TTC23L: variants seen among roughly 807,000 people sequenced by gnomAD.
TTC23L encodes the protein tetratricopeptide repeat domain 23 like.
In TTC23L, 42 loss-of-function variants were observed where a neutral mutation model predicts 48.1. That is an observed-to-expected ratio of 0.87 (90% CI 0.68 to 1.13). The LOEUF is 1.13. Ranked by LOEUF, TTC23L falls within the 50% of genes most tolerant of loss-of-function variation. TTC23L has a pLI of 0.00. For synonymous variants in TTC23L, 159 were observed against 157.2 expected, an observed-to-expected ratio of 1.01 and a Z score of -0.09; for missense variants, 391 against 421.0, an observed-to-expected ratio of 0.93 and a Z score of 0.62.
At chr5:34,868,691 G>A (rs1227515535) in intron 7 of TTC23L, 10 of 465,732 alleles carry the variant, frequency 2.1e-5, no homozygotes, top group South Asian at 1.5e-4. Flanking sequence ...GATGAGCACC[G>A]TGCCCTGTGC....
chr5:34,912,017 GA>G, the TTC23L span, among the ~76,000 whole-genome samples: 2 of 152,194 alleles, frequency 1.3e-5, no homozygotes, highest in Non-Finnish European at 2.9e-5. Flanking sequence ...TTGGGAACCA[GA>G]ACAAAATGTA....
the TTC23L span, among the ~76,000 whole-genome samples, chr5:34,910,806 T>TA: frequency 1.3e-5 from 2 of 152,228 alleles, no homozygotes; most frequent in Non-Finnish European, 2.9e-5. Flanking sequence ...TTAGGGGCTT[T>TA]AATATTCTGA....
At chr5:34,872,095 T>G (rs189303529) in intron 8 of TTC23L, among the ~76,000 whole-genome samples, 1 of 148,724 alleles carries the variant, frequency 6.7e-6, no homozygotes. Flanking sequence ...TTGGGCAACA[T>G]AGTGAGACCC....
chr5:34,875,094 A>G (rs953233811), intron 8 of TTC23L, among the ~76,000 whole-genome samples: 1 of 152,234 alleles, frequency 6.6e-6, no homozygotes, highest in African/African-American at 2.4e-5. Context: ...GTGCAAGGAA[A>G]GTTATCAGGG....
At chr5:34,894,166 T>C (rs966894213) in intron 9 of TTC23L, among the ~76,000 whole-genome samples, 1 of 152,148 alleles carries the variant, frequency 6.6e-6, no homozygotes, top group African/African-American at 2.4e-5. Context: ...TTCTAAGAAT[T>C]TGTCTTTTGA....
chr5:34,865,456 A>G (rs926986918), intron 6 of TTC23L, among the ~76,000 whole-genome samples: 2 of 152,080 alleles, frequency 1.3e-5, no homozygotes, highest in African/African-American at 4.8e-5. Context: ...GTGAATGTCT[A>G]CTCCTGTCAC....
intron 7 of TTC23L, 185 bp downstream of exon 7, chr5:34,867,254 C>A: frequency 1.5e-6 from 1 of 649,576 alleles, no homozygotes; most frequent in Non-Finnish European, 2.7e-6. Context: ...GGCCAGAGAA[C>A]ACTGACTCAG....
chr5:34,906,805 C>T, the TTC23L span: 1 of 152,062 alleles, frequency 6.6e-6, no homozygotes, highest in Admixed American at 6.6e-5. Flanking sequence ...TTTGTTCACA[C>T]TAGTAACAAA....
chr5:34,895,864 A>T (rs188355995), intron 9 of TTC23L, among the ~76,000 whole-genome samples: 31 of 152,310 alleles, frequency 2.0e-4, no homozygotes, highest in African/African-American at 7.5e-4. Context: ...ATGTTCCATA[A>T]GCTGGGTTGT....
At chr5:34,916,053 AG>A in the TTC23L span, 1 of 843,928 alleles carries the variant, frequency 1.2e-6, no homozygotes, top group East Asian at 3.1e-5. Flanking sequence ...CTGGGCACGG[AG>A]TTTGCAGCTA....
intron 2 of TTC23L, 28 bp from the exon 3 acceptor site, chr5:34,845,459 T>G: frequency 6.3e-7 from 1 of 1,598,740 alleles, no homozygotes; most frequent in Non-Finnish European, 8.5e-7. Flanking sequence ...GGTTAAATCC[T>G]GAATCCTTGC....
chr5:34,875,927 A>G (rs1268941014), intron 8 of TTC23L, among the ~76,000 whole-genome samples: 1 of 152,232 alleles, frequency 6.6e-6, no homozygotes. Flanking sequence ...AAGAAAATGT[A>G]CAATGTCTGC....
At chr5:34,889,846 T>G (rs1762751055) in intron 9 of TTC23L, among the ~76,000 whole-genome samples, 1 of 152,020 alleles carries the variant, frequency 6.6e-6, no homozygotes, top group Admixed American at 6.6e-5. Flanking sequence ...TTGTTTTTGT[T>G]TTTGTTTTTT....
At chr5:34,845,827 G>A (rs1416800192) in intron 3 of TTC23L, 154 bp downstream of exon 3, 2 of 733,572 alleles carry the variant, frequency 2.7e-6, no homozygotes, top group African/African-American at 3.5e-5. Flanking sequence ...GCCTACTTAG[G>A]TAGCCAGCCC....
intron 9 of TTC23L, among the ~76,000 whole-genome samples, chr5:34,886,359 G>A (rs979233084): frequency 5.8e-4 from 37 of 63,428 alleles, no homozygotes; most frequent in Non-Finnish European, 1.1e-3. Context: ...TTGCCAGGCT[G>A]ATTTAAAAAA....
chr5:34,869,081 T>C (rs1188001316), intron 8 of TTC23L, 68 bp downstream of exon 8: 6 of 1,257,738 alleles, frequency 4.8e-6, no homozygotes, highest in Non-Finnish European at 6.8e-6. Flanking sequence ...GCAAACAGCC[T>C]ATCTAAGATT....
In TTC23L at chr5:34,882,063, G is replaced by C. The variant is rs546532347; in HGVS notation, c.1077+1755G>C. The stretch of plus-strand genomic sequence containing the variant: ...GCCACAGCACCCGGCCGGTTCAGAA[G>C]ATTAACATGAGATCCCAATGCCATG... On this transcript the variant is annotated intron_variant, in intron 9 of 10. Coordinates refer to ENST00000505624, the Ensembl canonical transcript of TTC23L. Among the ~76,000 whole-genome samples, 17 of 152,216 alleles carry C rather than the reference G, an allele frequency of 1.1e-4. 1 individual carries two copies. In the South Asian group the frequency reaches 3.5e-3, roughly 32 times the overall value.
At chr5:34,885,891 G>A (rs1403735377) in intron 9 of TTC23L, among the ~76,000 whole-genome samples, 1 of 152,038 alleles carries the variant, frequency 6.6e-6, no homozygotes, top group African/African-American at 2.4e-5. Flanking sequence ...AAGCAAACGT[G>A]GCAAAATTGT....
chr5:34,923,503 C>T, the TTC23L span: 2 of 404,854 alleles, frequency 4.9e-6, no homozygotes, highest in Non-Finnish European at 9.1e-6. Flanking sequence ...GTCTCAAACT[C>T]CTGACCTCAG....
Sources: gnomAD v4.1 joint callset for allele counts (sites outside exome capture counted in the v4.1 genomes callset) on GRCh38, gnomAD v4.1.1 for gene constraint, MANE v1.5 for transcripts, NCBI Gene and HGNC (gene_info 2026-07-23, HGNC 2026-07-21) for gene names.